The following KAT7 variants were observed in gnomAD, a reference collection of about 807,000 sequenced individuals.
The protein encoded by KAT7 is lysine acetyltransferase 7, also known as histone acetyltransferase KAT7.
A neutral mutation model predicts 82.1 loss-of-function variants in KAT7; 10 were observed. The observed-to-expected ratio is 0.12, with a 90% CI of 0.08 to 0.21. KAT7 has a LOEUF of 0.21. Among genes scored for constraint, KAT7 ranks in the 10% least tolerant of loss-of-function variants. The pLI, the probability that KAT7 is intolerant of heterozygous loss-of-function variation, is 1.00. For synonymous variants in KAT7, 250 were observed against 262.5 expected (o/e 0.95, Z 0.46); for missense variants, 378 against 760.9 (o/e 0.50, Z 5.92).
chr17:49,798,540 C>G lies in KAT7; in HGVS notation c.562C>G (p.Pro188Ala). ...CAACTTCAATATGAAGTGTCCTACA[C>G]CAGGCTGTAACTCTCTAGGTCAGTG... is the stretch of plus-strand genomic sequence containing the variant. ...SYNFNMKCPT[P>A]GCNSLGHLTG... The change falls in exon 4 of 15, where the codon CCA becomes GCA. Residue 188 changes from proline (P) to alanine (A), a missense_variant. By Grantham distance (27) the Pro-to-Ala change is conservative. Coordinates refer to ENST00000259021, the MANE Select transcript of KAT7 (RefSeq NM_007067.5). 6.2e-7 allele frequency: 1 copy of G among 1,611,736 alleles called. No homozygotes were observed. The highest frequency in any genetic ancestry group is 8.5e-7 in the Non-Finnish European group (1 of 1,178,022).
chr17:49,791,013 T>C lies in KAT7; in HGVS notation c.16-873T>C, dbSNP rs1282503761. Among the ~76,000 whole-genome samples, 3 of 152,232 alleles carry C rather than the reference T, an allele frequency of 2.0e-5. No individual in the cohort carries two copies. The East Asian group carries it at 5.8e-4, about 29-fold the overall frequency. On this transcript the variant is annotated intron_variant, in intron 1 of 14. Transcript: ENST00000259021. ...AATCCTTGCTCATTGAAAAGATGGT[T>C]TTGAAAACAACTGTTTTTGAATACC...
rs1174060794 is a variant in KAT7 at position 49,830,882 on chromosome 17, T to C, written c.*3380T>C. 6.6e-6 allele frequency: 1 copy of C among 152,246 alleles called. No individual in the cohort carries two copies. The highest frequency in any genetic ancestry group is 1.5e-5 in the Non-Finnish European group (1 of 68,044). The allele number at this position is 152,246 out of a possible 1,614,324, so 9.4% of individuals were successfully genotyped here. On this transcript the variant is annotated 3_prime_UTR_variant, in exon 15 of 15. Transcript: ENST00000259021. ...CTAATGGCTTCCATTACAAGGATAA[T>C]AATGAAACTGGTGAAAACTTTCAGG...
chr17:49,809,346 T>C, intron 6 of KAT7, 138 bp downstream of exon 6: 1 of 643,112 alleles, frequency 1.6e-6, no homozygotes, highest in Non-Finnish European at 2.7e-6. Flanking sequence ...ATCATGTTTG[T>C]TTTTCAAACA....
intron 14 of KAT7, chr17:49,827,060 C>A (rs1203240392): frequency 5.9e-5 from 26 of 443,582 alleles, no homozygotes; most frequent in Non-Finnish European, 1.0e-4. Flanking sequence ...TACAGCATTT[C>A]TGTCATTTGA....
chr17:49,820,238 T>C (rs2074284946), intron 9 of KAT7, among the ~76,000 whole-genome samples: 1 of 151,334 alleles, frequency 6.6e-6, no homozygotes, highest in Admixed American at 6.6e-5. Context: ...AGTGACACCC[T>C]ATCTCAAAAA....
chr17:49,827,308 G>A (rs2074380172), intron 14 of KAT7, 93 bp from the exon 15 acceptor site: 1 of 762,396 alleles, frequency 1.3e-6, no homozygotes. Flanking sequence ...TAAACCTTTG[G>A]CAATTCCTTC....
In KAT7 at chr17:49,813,871, C is replaced by CT. The variant is rs1245745231; in HGVS notation, c.853-1918dup. On this transcript the variant is annotated intron_variant, in intron 7 of 14. Coordinates refer to ENST00000259021, the MANE Select transcript of KAT7 (RefSeq NM_007067.5). ...GGATATCAAGAGATGACTGTATTTCCTTTTTTTTTTTTTTGAGGCGGAGTT... is the reference window on the plus strand; with the variant it reads ...GGATATCAAGAGATGACTGTATTTCCTTTTTTTTTTTTTTTGAGGCGGAGTT... 1.3e-3 allele frequency among the ~76,000 whole-genome samples: 182 copies of CT among 142,624 alleles called. 1 individual carries two copies. The highest frequency in any genetic ancestry group is 3.8e-3 in the Middle Eastern group (1 of 266). The allele number at this position is 142,624 out of a possible 152,430, so 93.6% of individuals were successfully genotyped here.
At position 49,818,357 on chromosome 17, in the gene KAT7, C is replaced by T. The variant is rs541083636; in HGVS notation, c.1155+346C>T. Among the ~76,000 whole-genome samples the T allele has an allele frequency of 2.0e-5, 3 of 152,318 alleles. No individual in the cohort carries two copies. The South Asian group carries it at 6.2e-4, about 32-fold the overall frequency. The stretch of plus-strand genomic sequence containing the variant: ...GTCCCAAACTAGATGAAAATACAGA[C>T]TTCATTAGGCACAGCAGAGACAGCA... On this transcript the variant is annotated intron_variant, in intron 9 of 14. Transcript: ENST00000259021.
chr17:49,830,180 T>C lies in KAT7; in HGVS notation c.*2678T>C, dbSNP rs2074411957. ...GGCGTGAGCCACTGCACCCGACCTA[T>C]TTTTTTTTTTTTTTTTTTTTTTTTT... On this transcript the variant is annotated 3_prime_UTR_variant, in exon 15 of 15. Transcript: ENST00000259021. 2 of 100,914 alleles carry C rather than the reference T, an allele frequency of 2.0e-5. No individual in the cohort carries two copies. Among genetic ancestry groups the C allele is most frequent in the East Asian group, 3.0e-4 (1 of 3,326 alleles). The allele number at this position is 100,914 out of a possible 1,614,324, so 6.3% of individuals were successfully genotyped here. A position where few individuals can be genotyped will look rare whatever the true frequency, so the allele number is the denominator to read the frequency against.
intron 7 of KAT7, among the ~76,000 whole-genome samples, chr17:49,814,302 C>T (rs2074206359): frequency 6.6e-6 from 1 of 152,188 alleles, no homozygotes; most frequent in Non-Finnish European, 1.5e-5. Context: ...TAGACCTTTA[C>T]ACCAGACTGT....
At chr17:49,794,086 GTATGTTATGTAC>G (rs2073923473) in intron 2 of KAT7, among the ~76,000 whole-genome samples, 1 of 152,170 alleles carries the variant, frequency 6.6e-6, no homozygotes, top group Admixed American at 6.5e-5. Context: ...AACTCAAGCA[GTATGTTATGTAC>G]TAGGAACCAT....
At chr17:49,817,480 T>A (rs1161582513) in intron 8 of KAT7, among the ~76,000 whole-genome samples, 1 of 152,192 alleles carries the variant, frequency 6.6e-6, no homozygotes, top group Non-Finnish European at 1.5e-5. Flanking sequence ...AAAGATAATA[T>A]TTATTTTTTT....
chr17:49,798,574 C>T lies in KAT7; in HGVS notation c.580+16C>T, dbSNP rs768554056. 9 of 1,582,306 alleles carry T rather than the reference C, an allele frequency of 5.7e-6. No individual in the cohort carries two copies. In the Admixed American group the frequency reaches 1.1e-4, roughly 18 times the overall value. On this transcript the variant is annotated intron_variant, in intron 4 of 14. Coordinates refer to ENST00000259021, the MANE Select transcript of KAT7 (RefSeq NM_007067.5). Reference sequence around the variant, plus strand: ...AACTCTCTAGGTCAGTGTGCCCTAGCTTCATGACATCCTTTGTTCTGTGGT... The same window carrying T: ...AACTCTCTAGGTCAGTGTGCCCTAGTTTCATGACATCCTTTGTTCTGTGGT...
rs7220957 is a variant in KAT7, at chr17:49,830,208, T to C, written c.*2706T>C. 1.2e-5 allele frequency: 1 copy of C among 84,158 alleles called. No individual in the cohort carries two copies. The highest frequency in any genetic ancestry group is 2.0e-5 in the Non-Finnish European group (1 of 49,182). The allele number at this position is 84,158 out of a possible 1,614,324, so 5.2% of individuals were successfully genotyped here. On this transcript the variant is annotated 3_prime_UTR_variant, in exon 15 of 15. Coordinates refer to ENST00000259021, the MANE Select transcript of KAT7 (RefSeq NM_007067.5). ...TTTTTTTTTTTTTTTTTTTTTTTTTTAAAAAAAGACAGTCTCACTCTATCA... is the reference window on the plus strand; with the variant it reads ...TTTTTTTTTTTTTTTTTTTTTTTTTCAAAAAAAGACAGTCTCACTCTATCA...
At chr17:49,819,345 G>A (rs534715603) in intron 9 of KAT7, among the ~76,000 whole-genome samples, 11 of 152,292 alleles carry the variant, frequency 7.2e-5, no homozygotes, top group Non-Finnish European at 1.5e-4. Context: ...GATTGGCGGC[G>A]ATTGGTAGAA....
intron 6 of KAT7, among the ~76,000 whole-genome samples, chr17:49,811,232 G>A (rs922283970): frequency 6.6e-6 from 1 of 151,258 alleles, no homozygotes; most frequent in Non-Finnish European, 1.5e-5. Context: ...TCAGCCTCCC[G>A]AGTAGCTGGG....
In KAT7 at chr17:49,834,007, C is replaced by G. The variant is rs753441554; in HGVS notation, c.*6505C>G. The G allele has an allele frequency of 6.6e-6, 1 of 152,186 alleles. No homozygotes were observed. The highest frequency in any genetic ancestry group is 2.4e-5 in the African/African-American group (1 of 41,450). The allele number at this position is 152,186 out of a possible 1,614,324, so 9.4% of individuals were successfully genotyped here. A position where few individuals can be genotyped will look rare whatever the true frequency, so the allele number is the denominator to read the frequency against. On this transcript the variant is annotated 3_prime_UTR_variant, in exon 15 of 15. Coordinates refer to ENST00000259021, the MANE Select transcript of KAT7 (RefSeq NM_007067.5). ...TTCCGTGTAAATGGCAGCCTCAGTT[C>G]ACCTCATTTGGTTATTTATCGTGTC...
chr17:49,806,237 G>T (rs1338224797), intron 5 of KAT7, among the ~76,000 whole-genome samples: 1 of 152,210 alleles, frequency 6.6e-6, no homozygotes, highest in Non-Finnish European at 1.5e-5. Flanking sequence ...CAATTTCATT[G>T]TGAGGAAAAT....
At chr17:49,805,774 G>T (rs2074084091) in intron 5 of KAT7, among the ~76,000 whole-genome samples, 1 of 152,160 alleles carries the variant, frequency 6.6e-6, no homozygotes, top group Non-Finnish European at 1.5e-5. Flanking sequence ...GGAATAACTT[G>T]CATAAATATG....
Sources: allele counts gnomAD v4.1 joint callset (sites outside exome capture counted in the v4.1 genomes callset), GRCh38; gene constraint gnomAD v4.1.1; transcripts MANE v1.5; gene names NCBI Gene and HGNC (gene_info 2026-07-23, HGNC 2026-07-21).